Variants in C10orf105 observed in about 807,000 individuals in gnomAD.
C10orf105 encodes uncharacterized protein C10orf105.
C10orf105 carries 2 observed loss-of-function variants against 0.6 expected under a neutral mutation model. That is an observed-to-expected ratio of 3.18 (90% CI 1.30 to 10.01). The LOEUF (loss-of-function observed/expected upper bound fraction) is 10.01, where lower values mean the gene tolerates loss of function less well. Ranked by LOEUF, C10orf105 falls within the 30% of genes most tolerant of loss-of-function variation. The pLI is 0.04. For missense variants in C10orf105, 209 were observed against 191.4 expected, an observed-to-expected ratio of 1.09 and a Z score of -0.54; for synonymous variants, 95 against 82.4, an observed-to-expected ratio of 1.15 and a Z score of -0.83.
intron 1 of C10orf105, 193 bp from the exon 2 acceptor site, chr10:71,716,535 GTGATGGAGCTGGGCCCAA>G: frequency 2.0e-6 from 1 of 492,420 alleles, no homozygotes; most frequent in Non-Finnish European, 3.5e-6. Context: ...CAGCTGAGCA[GTGATGGAGCTGGGCCCAA>G]GCTCAGGCCC....
intron 1 of C10orf105, among the ~76,000 whole-genome samples, chr10:71,727,809 G>A (rs1206540251): frequency 6.6e-6 from 1 of 152,340 alleles, no homozygotes; most frequent in Non-Finnish European, 1.5e-5. Context: ...CAGAAAGCAG[G>A]TCTGGTTCTC....
intron 1 of C10orf105, among the ~76,000 whole-genome samples, chr10:71,718,656 A>C (rs1383717514): frequency 6.6e-6 from 1 of 152,248 alleles, no homozygotes; most frequent in Non-Finnish European, 1.5e-5. Flanking sequence ...CTGAAATGGG[A>C]GATGCCTCAA....
At position 71,716,112 on chromosome 10, in the gene C10orf105, G is replaced by T; in HGVS notation, c.226C>A (p.Pro76Thr). The change falls in exon 2 of 2, where the codon CCC becomes ACC. Residue 76 changes from proline to threonine, a missense_variant. Coordinates refer to ENST00000441508, the MANE Select transcript of C10orf105 (RefSeq NM_001164375.3). ...TCACTGGGGCTCCCAGGGTGGTGGG[G>T]CATGCACTCGTGAGCCCTGCGGCGG... ...PSRRRAHECM[P>T]HHPGSPSEPQ... The T allele has an allele frequency of 1.3e-6, 2 of 1,547,034 alleles. No individual in the cohort carries two copies. Among genetic ancestry groups the T allele is most frequent in the Non-Finnish European group, 1.7e-6 (2 of 1,144,744 alleles).
At chr10:71,718,318 C>T (rs945162425) in intron 1 of C10orf105, among the ~76,000 whole-genome samples, 2 of 152,240 alleles carry the variant, frequency 1.3e-5, no homozygotes, top group Non-Finnish European at 2.9e-5. Context: ...TGGCTCCCTG[C>T]GCCCAGCCAA....
At chr10:71,729,737 G>A (rs1285564990) in intron 1 of C10orf105, among the ~76,000 whole-genome samples, 2 of 152,140 alleles carry the variant, frequency 1.3e-5, no homozygotes, top group South Asian at 4.1e-4. Flanking sequence ...ATTTGATTGG[G>A]ATCACTTTGA....
chr10:71,719,760 T>C lies in C10orf105; in HGVS notation c.-139A>G, dbSNP rs1256096897. On this transcript the variant is annotated 5_prime_UTR_variant, in exon 1 of 2. Coordinates refer to ENST00000441508, the MANE Select transcript of C10orf105 (RefSeq NM_001164375.3). ...CTCTGCTGTGCCCTGCAGCCCTCGG[T>C]CAGCCTGGCCAGCAGAGTGGCCTCC... The C allele has an allele frequency of 1.3e-5, 2 of 152,436 alleles. No individual in the cohort carries two copies. Among genetic ancestry groups the C allele is most frequent in the African/African-American group, 4.8e-5 (2 of 41,472 alleles). The allele number at this position is 152,436 out of a possible 1,614,324, so 9.4% of individuals were successfully genotyped here. A position where few individuals can be genotyped will look rare whatever the true frequency, so the allele number is the denominator to read the frequency against.
intron 1 of C10orf105, among the ~76,000 whole-genome samples, chr10:71,736,916 A>T (rs1839582976): frequency 6.6e-6 from 1 of 152,210 alleles, no homozygotes; most frequent in Non-Finnish European, 1.5e-5. Context: ...GAAGGGACTC[A>T]AGCTGAGAGC....
At chr10:71,734,482 C>A in intron 1 of C10orf105, 3 of 1,527,342 alleles carry the variant, frequency 2.0e-6, no homozygotes, top group South Asian at 1.2e-5. Flanking sequence ...TTCGCCATGT[C>A]CAGCCATGCC....
At chr10:71,733,803 T>C (rs1006735714) in intron 1 of C10orf105, among the ~76,000 whole-genome samples, 10 of 152,236 alleles carry the variant, frequency 6.6e-5, no homozygotes, top group African/African-American at 2.2e-4. Context: ...CAGAATTCCT[T>C]CTTTGAAAGT....
chr10:71,718,760 C>T (rs112417321), intron 1 of C10orf105, among the ~76,000 whole-genome samples: 46 of 152,306 alleles, frequency 3.0e-4, no homozygotes, highest in Middle Eastern at 6.8e-3. Flanking sequence ...GCCTTGGGAC[C>T]TGCTTTAATT....
Position 71,715,813 on chromosome 10 carries a change from G to A in C10orf105, c.*123C>T, listed in dbSNP as rs766579126. 3.1e-4 allele frequency: 291 copies of A among 950,076 alleles called. 4 individuals are homozygous for A. The Middle Eastern group carries it at 0.023, about 74-fold the overall frequency. The allele number at this position is 950,076 out of a possible 1,614,324, so 58.9% of individuals were successfully genotyped here. A position where few individuals can be genotyped will look rare whatever the true frequency, so the allele number is the denominator to read the frequency against. On this transcript the variant is annotated 3_prime_UTR_variant, in exon 2 of 2. Transcript: ENST00000441508. ...CTGGGCATGCAAGGAGCTTCGGGGG[G>A]TGAGTGTGTGTCCCAGACTGCTTGG...
chr10:71,719,627 C>A lies in C10orf105; in HGVS notation c.-6G>T. The A allele has an allele frequency of 6.5e-6, 1 of 153,066 alleles. No homozygotes were observed. The highest frequency in any genetic ancestry group is 1.5e-5 in the Non-Finnish European group (1 of 68,632). 9.5% of individuals were successfully genotyped at this position (153,066 alleles called of 1,614,324 possible). On this transcript the variant is annotated splice_region_variant and 5_prime_UTR_variant, in exon 1 of 2. In the 5' UTR this introduces an upstream ATG that the reference lacks. Transcript: ENST00000441508. Reference sequence around the variant, plus strand: ...CTCCTGCAGTCCCCCAAGCACTGACCTCAGAGCCAGACCCCAGCCGTCCGG... The same window carrying A: ...CTCCTGCAGTCCCCCAAGCACTGACATCAGAGCCAGACCCCAGCCGTCCGG...
At chr10:71,732,130 G>A (rs755337714) in intron 1 of C10orf105, 2 of 1,614,010 alleles carry the variant, frequency 1.2e-6, no homozygotes, top group Non-Finnish European at 8.5e-7. Context: ...GTCGGCCACT[G>A]ACCAGGCCCC....
Position 71,712,846 on chromosome 10 carries a change from G to A in C10orf105, c.*3090C>T, listed in dbSNP as rs1046140667. The A allele has an allele frequency of 6.2e-7, 1 of 1,602,710 alleles. No homozygotes were observed. The highest frequency in any genetic ancestry group is 1.3e-5 in the African/African-American group (1 of 74,918). On this transcript the variant is annotated 3_prime_UTR_variant, in exon 2 of 2. Transcript: ENST00000441508. Reference sequence around the variant, plus strand: ...GCCCGTGGCCTCTGGGGCAGGTGGTGGGCTGGGGGAGGCGGAGCCACACAC... The same window carrying A: ...GCCCGTGGCCTCTGGGGCAGGTGGTAGGCTGGGGGAGGCGGAGCCACACAC...
rs1329943860 is a variant in C10orf105 at position 71,719,667 on chromosome 10, GTCT to G, written c.-49_-47del. On this transcript the variant is annotated 5_prime_UTR_variant, in exon 1 of 2. Coordinates refer to ENST00000441508, the MANE Select transcript of C10orf105 (RefSeq NM_001164375.3). ...CAGCCGTCCGGAGCTCCGTGGAGAG[GTCT>G]TCTCAGCTGTGGAAGGGAGGCCCAA... is the stretch of plus-strand genomic sequence containing the variant. 2 of 152,744 alleles carry G rather than the reference GTCT, an allele frequency of 1.3e-5. No homozygotes were observed. The highest frequency in any genetic ancestry group is 4.8e-5 in the African/African-American group (2 of 41,456). The allele number at this position is 152,744 out of a possible 1,614,324, so 9.5% of individuals were successfully genotyped here.
rs754122678 is a variant in C10orf105 at position 71,712,695 on chromosome 10, G to A, written c.*3241C>T. On this transcript the variant is annotated 3_prime_UTR_variant, in exon 2 of 2. Coordinates refer to ENST00000441508, the MANE Select transcript of C10orf105 (RefSeq NM_001164375.3). ...GGCCCTGTAGGGAAGCGACACACGG[G>A]CACAGCCACCGTGTTCGTCACTGTC... 4 of 1,613,658 alleles carry A rather than the reference G, an allele frequency of 2.5e-6. No homozygotes were observed. Among genetic ancestry groups the A allele is most frequent in the East Asian group, 2.2e-5 (1 of 44,872 alleles).
chr10:71,737,821 C>T (rs761577698), exon 1 of C10orf105: 16 of 466,286 alleles, frequency 3.4e-5, no homozygotes, highest in South Asian at 1.2e-4. Flanking sequence ...ACAAGAAGCC[C>T]GAGCCACAGA....
rs11599901 is a variant in C10orf105 at position 71,712,936 on chromosome 10, G to A, written c.*3000C>T. 0.19 allele frequency: 225,182 copies of A among 1,166,814 alleles called. 23,191 individuals are homozygous for A. The highest frequency in any genetic ancestry group is 0.2 in the Non-Finnish European group (162,128 of 802,368). The allele number at this position is 1,166,814 out of a possible 1,614,324, so 72.3% of individuals were successfully genotyped here. A position where few individuals can be genotyped will look rare whatever the true frequency, so the allele number is the denominator to read the frequency against. On this transcript the variant is annotated 3_prime_UTR_variant, in exon 2 of 2. Transcript: ENST00000441508. ...GCAGGTGGGGGCCCAGGGTGGGTCCGCTGCTCTGGAAGGTGCTGTGGGGAA... is the reference window on the plus strand; with the variant it reads ...GCAGGTGGGGGCCCAGGGTGGGTCCACTGCTCTGGAAGGTGCTGTGGGGAA...
chr10:71,734,704 C>A, intron 1 of C10orf105: 1 of 1,276,588 alleles, frequency 7.8e-7, no homozygotes. Context: ...TTGGCTGTGG[C>A]CAGTGCTGGC....
Sources: gnomAD v4.1 joint callset for allele counts (sites outside exome capture counted in the v4.1 genomes callset) on GRCh38, gnomAD v4.1.1 for gene constraint, MANE v1.5 for transcripts, NCBI Gene and HGNC (gene_info 2026-07-23, HGNC 2026-07-21) for gene names.